Variants in SUMF1 observed in about 807,000 individuals in gnomAD.
SUMF1 encodes the protein formylglycine-generating enzyme.
Under a neutral mutation model 47.6 loss-of-function variants are expected in SUMF1, and 48 were observed. That is an observed-to-expected ratio of 1.01 (90% confidence interval 0.80 to 1.28). The LOEUF (loss-of-function observed/expected upper bound fraction) is 1.28, where lower values mean the gene tolerates loss of function less well. Among genes scored for constraint, SUMF1 ranks in the 50% most tolerant of loss-of-function variants. SUMF1 has a pLI of 0.00. For synonymous variants in SUMF1, 230 were observed against 192.1 expected (o/e 1.20, Z -1.63); for missense variants, 571 against 485.4 (o/e 1.18, Z -1.66).
intron 8 of SUMF1, among the ~76,000 whole-genome samples, chr3:4,253,860 C>T (rs1340449302): frequency 6.7e-6 from 1 of 149,504 alleles, no homozygotes; most frequent in Non-Finnish European, 1.5e-5. Flanking sequence ...CTTAAATGTC[C>T]CTGTCTGACA....
intron 8 of SUMF1, among the ~76,000 whole-genome samples, chr3:4,108,674 G>A (rs1384972709): frequency 2.0e-5 from 3 of 152,164 alleles, no homozygotes; most frequent in South Asian, 2.1e-4. Flanking sequence ...TTACCATTAT[G>A]TAATGGCCTT....
rs370162925 is a variant in SUMF1, at chr3:4,139,568, A to ATGTGTGTG, written c.1015-70831_1015-70824dup. Among the ~76,000 whole-genome samples, 396 of 150,282 alleles carry ATGTGTGTG rather than the reference A, an allele frequency of 2.6e-3. 2 individuals carry two copies. Among genetic ancestry groups the ATGTGTGTG allele is most frequent in the African/African-American group, 8.0e-3 (330 of 41,044 alleles). ...ATGTATAATAAACTTATATATATGC[A>ATGTGTGTG]TGTGTGTGTGTGTATATATATACAC... On this transcript the variant is annotated intron_variant and NMD_transcript_variant, in intron 8 of 12. Coordinates refer to the SUMF1 transcript ENST00000448413.
At chr3:4,086,676 C>G (rs1382795858) in intron 8 of SUMF1, among the ~76,000 whole-genome samples, 1 of 152,022 alleles carries the variant, frequency 6.6e-6, no homozygotes, top group Non-Finnish European at 1.5e-5. Context: ...GGCTGTGTCA[C>G]CACCCAAATC....
chr3:4,249,226 T>C (rs1269055171), intron 8 of SUMF1, among the ~76,000 whole-genome samples: 2 of 152,244 alleles, frequency 1.3e-5, no homozygotes, highest in Non-Finnish European at 2.9e-5. Flanking sequence ...TGCTATGAAC[T>C]ATGCATTCTA....
chr3:4,139,979 A>G (rs1030093467), intron 8 of SUMF1, among the ~76,000 whole-genome samples: 3 of 152,006 alleles, frequency 2.0e-5, no homozygotes, highest in Non-Finnish European at 4.4e-5. Context: ...AGGACCACAC[A>G]TCCTTTGCAG....
rs10674918 is a variant in SUMF1 at position 4,350,332 on chromosome 3, CGT to C, written c.1014+25996_1014+25997del. 5.3e-3 allele frequency among the ~76,000 whole-genome samples: 782 copies of C among 146,492 alleles called. 2 individuals carry two copies. Among genetic ancestry groups the C allele is most frequent in the Non-Finnish European group, 8.6e-3 (574 of 66,590 alleles). ...CCACCACTTTCTGTGTGTGTATATG[CGT>C]GTGTGTGTGTGTGTGTGTGTATAAT... On this transcript the variant is annotated intron_variant and NMD_transcript_variant, in intron 8 of 12. Transcript: ENST00000448413.
intron 8 of SUMF1, among the ~76,000 whole-genome samples, chr3:4,341,939 A>C (rs1378203159): frequency 1.3e-5 from 2 of 152,234 alleles, no homozygotes; most frequent in Non-Finnish European, 2.9e-5. Flanking sequence ...CACTCTAAGG[A>C]CATACAAGGC....
intron 8 of SUMF1, among the ~76,000 whole-genome samples, chr3:4,275,712 G>C (rs1189830026): frequency 1.3e-5 from 2 of 152,124 alleles, no homozygotes; most frequent in Non-Finnish European, 2.9e-5. Flanking sequence ...GACAAAATCA[G>C]AATTCTCTCG....
At chr3:4,189,339 C>T (rs984857489) in intron 8 of SUMF1, among the ~76,000 whole-genome samples, 5 of 152,046 alleles carry the variant, frequency 3.3e-5, no homozygotes, top group African/African-American at 1.2e-4. Context: ...CTAACTTTGT[C>T]CATTATGGCA....
intron 8 of SUMF1, among the ~76,000 whole-genome samples, chr3:4,104,437 ACT>A (rs2125064279): frequency 6.6e-6 from 1 of 151,380 alleles, no homozygotes; most frequent in East Asian, 1.9e-4. Flanking sequence ...TCCACTCCCC[ACT>A]CTTCATCCTG....
intron 8 of SUMF1, among the ~76,000 whole-genome samples, chr3:4,178,440 C>T (rs1480162233): frequency 6.6e-6 from 1 of 152,114 alleles, no homozygotes; most frequent in Non-Finnish European, 1.5e-5. Context: ...TGACAAAAAC[C>T]ACATGATTAT....
rs555478042 is a variant in SUMF1 at position 4,202,771 on chromosome 3, G to T, written c.1015-134026C>A. On this transcript the variant is annotated intron_variant and NMD_transcript_variant, in intron 8 of 12. Coordinates refer to the SUMF1 transcript ENST00000448413. ...TGTAACCCATCAGTTTTGGTATGTTGTATTTCCATTTTCATTTGTTTTAAT... is the reference window on the plus strand; with the variant it reads ...TGTAACCCATCAGTTTTGGTATGTTTTATTTCCATTTTCATTTGTTTTAAT... 4.6e-5 allele frequency among the ~76,000 whole-genome samples: 7 copies of T among 151,824 alleles called. No individual in the cohort carries two copies. The South Asian group carries it at 1.5e-3, about 32-fold the overall frequency.
intron 7 of SUMF1, among the ~76,000 whole-genome samples, chr3:4,399,682 G>C (rs1207818761): frequency 2.0e-5 from 3 of 152,182 alleles, no homozygotes; most frequent in African/African-American, 7.2e-5. Flanking sequence ...GAAGGCCCAC[G>C]GAAGTGGAAG....
At chr3:4,346,426 C>T (rs1407303708) in intron 8 of SUMF1, among the ~76,000 whole-genome samples, 1 of 152,152 alleles carries the variant, frequency 6.6e-6, no homozygotes, top group Non-Finnish European at 1.5e-5. Flanking sequence ...TCCTGAATGA[C>T]TCCTGGGTAA....
chr3:4,135,010 C>G (rs1424331388), intron 8 of SUMF1, among the ~76,000 whole-genome samples: 1 of 152,024 alleles, frequency 6.6e-6, no homozygotes, highest in Non-Finnish European at 1.5e-5. Flanking sequence ...AGTCCAGGAC[C>G]AGATGGATTC....
At chr3:4,319,236 C>A (rs1698767123) in intron 8 of SUMF1, among the ~76,000 whole-genome samples, 2 of 152,208 alleles carry the variant, frequency 1.3e-5, no homozygotes, top group Non-Finnish European at 2.9e-5. Context: ...TAGCATTGAT[C>A]CAGCAATCAT....
intron 8 of SUMF1, among the ~76,000 whole-genome samples, chr3:4,374,110 C>T (rs1700251769): frequency 6.6e-6 from 1 of 152,110 alleles, no homozygotes; most frequent in South Asian, 2.1e-4. Context: ...AATGTTTATT[C>T]CCTAAGATCA....
At chr3:4,400,331 A>C (rs1006965186) in intron 7 of SUMF1, among the ~76,000 whole-genome samples, 1 of 152,158 alleles carries the variant, frequency 6.6e-6, no homozygotes, top group African/African-American at 2.4e-5. Flanking sequence ...AAATCCAAAA[A>C]ACCCGGGCTT....
intron 8 of SUMF1, among the ~76,000 whole-genome samples, chr3:4,354,365 A>G (rs1356823725): frequency 6.6e-6 from 1 of 152,214 alleles, no homozygotes; most frequent in Non-Finnish European, 1.5e-5. Flanking sequence ...GGGCCAACAG[A>G]CTATCCTCCC....
Sources: allele counts gnomAD v4.1 joint callset (sites outside exome capture counted in the v4.1 genomes callset), GRCh38; gene constraint gnomAD v4.1.1; transcripts MANE v1.5; gene names NCBI Gene and HGNC (gene_info 2026-07-23, HGNC 2026-07-21).